Variants in USP1 observed in about 807,000 individuals in gnomAD.
The protein encoded by USP1 is ubiquitin carboxyl-terminal hydrolase 1.
In USP1, 18 loss-of-function variants were observed where a neutral mutation model predicts 72.2. The ratio of observed to expected loss-of-function variants is 0.25; its 90% confidence interval spans 0.17 to 0.37. The LOEUF (loss-of-function observed/expected upper bound fraction) is 0.37, where lower values mean the gene tolerates loss of function less well. Among genes scored for constraint, USP1 ranks in the 10% least tolerant of loss-of-function variants. USP1 has a pLI of 1.00. For synonymous variants in USP1, 354 were observed against 303.7 expected, an observed-to-expected ratio of 1.17 and a Z score of -1.72; for missense variants, 759 against 884.9, an observed-to-expected ratio of 0.86 and a Z score of 1.81.
chr1:62,445,101 A>G lies in USP1; in HGVS notation c.921A>G (p.Thr307=). 2 of 1,613,170 alleles carry G rather than the reference A, an allele frequency of 1.2e-6. No individual in the cohort carries two copies. Among genetic ancestry groups the G allele is most frequent in the Non-Finnish European group, 1.7e-6 (2 of 1,179,808 alleles). Residue 307 remains threonine (T), a synonymous_variant, in exon 6 of 9, where the codon ACA becomes ACG. Transcript: ENST00000339950. ...AAACTAGATCAAAAAGAAAAGCTAC[A>G]AGTGATACATTAGAGAGTCCTCCTA... is the stretch of plus-strand genomic sequence containing the variant. ...QRQTRSKRKA[T]SDTLESPPKI...
chr1:62,439,368 A>G (rs1571128951), intron 1 of USP1, among the ~76,000 whole-genome samples: 1 of 152,126 alleles, frequency 6.6e-6, no homozygotes, highest in African/African-American at 2.4e-5. Context: ...TATTTTTAGT[A>G]GAGATGGGGT....
At chr1:62,442,427 G>T in intron 4 of USP1, 128 bp downstream of exon 4, 1 of 638,482 alleles carries the variant, frequency 1.6e-6, no homozygotes, top group South Asian at 2.1e-5. Context: ...GCGAGCTATT[G>T]TCAGGCAATT....
Position 62,441,692 on chromosome 1 carries a change from C to T in USP1, c.291+84C>T, listed in dbSNP as rs922796988. 9 of 1,434,480 alleles carry T rather than the reference C, an allele frequency of 6.3e-6. No homozygotes were observed. In the African/African-American group the frequency reaches 1.2e-4, roughly 18 times the overall value. The allele number at this position is 1,434,480 out of a possible 1,614,324, so 88.9% of individuals were successfully genotyped here. On this transcript the variant is annotated intron_variant, in intron 3 of 8. Transcript: ENST00000339950. ...TTAATGTTTTTGAGTTATTGGAGGA[C>T]TTTAATGTCCATACTGTCTTTGCCT...
chr1:62,446,190 C>T (rs551693926), intron 6 of USP1, among the ~76,000 whole-genome samples: 19 of 152,208 alleles, frequency 1.2e-4, no homozygotes, highest in South Asian at 4.1e-4. Context: ...GTGAATTTCA[C>T]GGTGTACTTA....
chr1:62,440,986 ATTTTT>A (rs1447549217), intron 2 of USP1, among the ~76,000 whole-genome samples: 1 of 149,672 alleles, frequency 6.7e-6, no homozygotes, highest in Non-Finnish European at 1.5e-5. Context: ...TGAACATTTT[ATTTTT>A]AAGTGAGGGA....
In USP1 at chr1:62,437,262, G is replaced by T; in HGVS notation, c.-208G>T. ...GGGAGCGGATGGTCACTCCCCCGCG[G>T]GGAGGGCGAGCCGACCAGATTTTCC... On this transcript the variant is annotated 5_prime_UTR_variant, in exon 1 of 9. Coordinates refer to ENST00000339950, the MANE Select transcript of USP1 (RefSeq NM_003368.5). 1 of 398,096 alleles carries T rather than the reference G, an allele frequency of 2.5e-6. No individual in the cohort carries two copies. The highest frequency in any genetic ancestry group is 1.3e-4 in the South Asian group (1 of 7,494). The allele number at this position is 398,096 out of a possible 1,614,324, so 24.7% of individuals were successfully genotyped here.
At position 62,445,275 on chromosome 1, in the gene USP1, A is replaced by G. The variant is rs1177815216; in HGVS notation, c.1095A>G (p.Gln365=). Residue 365 remains glutamine (Q), a synonymous_variant, in exon 6 of 9, where the codon CAA becomes CAG. Transcript: ENST00000339950. ...GTCTGGGAAAAATAACAACAAACCA[A>G]GGAGTCAAAGGACAATCTAAAGAAA... ...FCSLGKITTN[Q]GVKGQSKENE... is the part of the protein sequence containing the mutation. The G allele has an allele frequency of 2.2e-5, 35 of 1,613,388 alleles. No homozygotes were observed. Among genetic ancestry groups the G allele is most frequent in the Admixed American group, 3.3e-5 (2 of 59,926 alleles).
chr1:62,447,585 T>G, intron 7 of USP1, 74 bp downstream of exon 7: 1 of 1,494,456 alleles, frequency 6.7e-7, no homozygotes, highest in Non-Finnish European at 9.0e-7. Flanking sequence ...AGTTTAATAG[T>G]AGCTGGTGTA....
chr1:62,447,376 T>C lies in USP1; in HGVS notation c.1285T>C (p.Leu429=). 2 of 1,613,462 alleles carry C rather than the reference T, an allele frequency of 1.2e-6. No homozygotes were observed. The highest frequency in any genetic ancestry group is 1.7e-4 in the Middle Eastern group (1 of 6,052). ...AATTGGTTTTGAGCTAGTGGAGAAA[T>C]TATTTCAAGGTCAGCTGGTATTAAG... ...EQIGFELVEK[L]FQGQLVLRTR... is the part of the protein sequence containing the mutation. The change falls in exon 7 of 9, where the codon TTA becomes CTA. Residue 429 remains leucine, a synonymous_variant. Transcript: ENST00000339950.
intron 1 of USP1, among the ~76,000 whole-genome samples, chr1:62,438,601 C>CT (rs1645109033): frequency 6.6e-6 from 1 of 152,216 alleles, no homozygotes; most frequent in South Asian, 2.1e-4. Context: ...AAGTTTTGGG[C>CT]TTTAAGTAAT....
intron 8 of USP1, among the ~76,000 whole-genome samples, chr1:62,450,014 A>C (rs762077165): frequency 6.6e-6 from 1 of 152,120 alleles, no homozygotes; most frequent in Non-Finnish European, 1.5e-5. Flanking sequence ...GAAAAAATAC[A>C]ATTATTTCTT....
Position 62,451,019 on chromosome 1 carries a change from C to G in USP1, c.*38C>G. On this transcript the variant is annotated 3_prime_UTR_variant, in exon 9 of 9. Coordinates refer to ENST00000339950, the MANE Select transcript of USP1 (RefSeq NM_003368.5). ...TTCCTTGTGTATATATTAAACACACCCATACAAACATTGGTAAAGTTGATT... is the reference window on the plus strand; with the variant it reads ...TTCCTTGTGTATATATTAAACACACGCATACAAACATTGGTAAAGTTGATT... The G allele has an allele frequency of 6.7e-7, 1 of 1,493,540 alleles. No individual in the cohort carries two copies. The highest frequency in any genetic ancestry group is 8.9e-7 in the Non-Finnish European group (1 of 1,124,966). 92.5% of individuals were successfully genotyped at this position (1,493,540 alleles called of 1,614,324 possible).
intron 4 of USP1, among the ~76,000 whole-genome samples, chr1:62,442,836 T>C (rs1433613043): frequency 6.6e-6 from 1 of 151,728 alleles, no homozygotes; most frequent in African/African-American, 2.4e-5. Context: ...GACCCTGTCT[T>C]TACTAAAAAT....
At chr1:62,446,907 C>T (rs1489801369) in intron 6 of USP1, among the ~76,000 whole-genome samples, 4 of 152,038 alleles carry the variant, frequency 2.6e-5, no homozygotes, top group East Asian at 3.9e-4. Context: ...CTCCACCTCC[C>T]GGGTTCAAGC....
Position 62,444,755 on chromosome 1 carries a change from A to G in USP1, c.575A>G (p.Tyr192Cys). The change falls in exon 6 of 9, where the codon TAT (tyrosine) becomes TGT (cysteine). Residue 192 changes from tyrosine (Y) to cysteine (C), a missense_variant. Tyr to Cys is a radical substitution (Grantham distance 194). Around this residue, in one of 9 missense-constraint regions of USP1, gnomAD observed 16 missense variants for 44.6 expected, o/e 0.36. Transcript: ENST00000339950. ...LNTLRELNPM[Y>C]EGYLQHDAQE... ...ATTTATAGGGAACTCAACCCTATGTATGAAGGATATCTACAGCATGATGCA... is the reference window on the plus strand; with the variant it reads ...ATTTATAGGGAACTCAACCCTATGTGTGAAGGATATCTACAGCATGATGCA... 2 of 1,585,996 alleles carry G rather than the reference A, an allele frequency of 1.3e-6. No homozygotes were observed. Among genetic ancestry groups the G allele is most frequent in the Non-Finnish European group, 1.7e-6 (2 of 1,171,706 alleles).
intron 8 of USP1, among the ~76,000 whole-genome samples, chr1:62,449,205 A>G (rs569766005): frequency 2.0e-5 from 3 of 152,098 alleles, no homozygotes; most frequent in East Asian, 3.9e-4. Flanking sequence ...TCATCTTTTC[A>G]TATTCATTCC....
chr1:62,449,737 C>T (rs1393892009), intron 8 of USP1, among the ~76,000 whole-genome samples: 1 of 151,858 alleles, frequency 6.6e-6, no homozygotes, highest in African/African-American at 2.4e-5. Flanking sequence ...CATGACAAAA[C>T]CCTATCTCTA....
chr1:62,450,458 A>G lies in USP1; in HGVS notation c.1835A>G (p.Asn612Ser). The G allele has an allele frequency of 3.1e-6, 5 of 1,614,164 alleles. No individual in the cohort carries two copies. The highest frequency in any genetic ancestry group is 4.2e-6 in the Non-Finnish European group (5 of 1,180,020). ...AACAGTTTAGAACTAGATAAAGGAA[A>G]TTTTGTGGTTGACCAAATGTGTGAA... ...DLNSLELDKGNFVVDQMCEIG... is the reference protein window; with the variant it reads ...DLNSLELDKGSFVVDQMCEIG... Residue 612 changes from asparagine (N) to serine (S), a missense_variant, in exon 9 of 9, where the codon AAT becomes AGT. Asn to Ser is a conservative substitution (Grantham distance 46). This residue lies in a region of USP1 where 140 missense variants were observed against 222.8 expected (regional missense o/e 0.63). Transcript: ENST00000339950.
chr1:62,439,924 G>A lies in USP1; in HGVS notation c.57G>A (p.Lys19=). ...GACTTTCAAGAGGTAGCCCTTCAAA[G>A]AAAAACAGACTTTCCTTAAAGTTTT... ...SNGLSRGSPS[K]KNRLSLKFFQ... Residue 19 remains lysine (K), a synonymous_variant, in exon 2 of 9, where the codon AAG becomes AAA. Transcript: ENST00000339950. 2.6e-6 allele frequency: 4 copies of A among 1,564,908 alleles called. No individual in the cohort carries two copies. The highest frequency in any genetic ancestry group is 2.0e-5 in the Admixed American group (1 of 49,598).
Sources: gnomAD v4.1 joint callset for allele counts (sites outside exome capture counted in the v4.1 genomes callset) on GRCh38, gnomAD v4.1.1 for gene constraint, gnomAD v4.1.1 regional missense constraint, MANE v1.5 for transcripts, NCBI Gene and HGNC (gene_info 2026-07-23, HGNC 2026-07-21) for gene names.